Variants in ARHGEF3 observed in about 807,000 individuals in gnomAD.
ARHGEF3 encodes 59.8 kDA protein.
In ARHGEF3, 28 loss-of-function variants were observed where a neutral mutation model predicts 63.2. That is an observed-to-expected ratio of 0.44 (90% CI 0.33 to 0.61). The LOEUF (loss-of-function observed/expected upper bound fraction) is 0.61, where lower values mean the gene tolerates loss of function less well. Among genes scored for constraint, ARHGEF3 ranks in the 20% least tolerant of loss-of-function variants. The pLI, the probability that ARHGEF3 is intolerant of heterozygous loss-of-function variation, is 0.03. For synonymous variants in ARHGEF3, 266 were observed against 254.2 expected (o/e 1.05, Z -0.44); for missense variants, 533 against 659.3 (o/e 0.81, Z 2.10).
intron 3 of ARHGEF3, 31 bp from the exon 4 acceptor site, chr3:56,753,597 T>G: frequency 6.3e-7 from 1 of 1,597,882 alleles, no homozygotes; most frequent in Non-Finnish European, 8.6e-7. Context: ...ATTCACTGAA[T>G]TCTCCCTTCA....
At chr3:56,876,065 G>C (rs780448425) in intron 4 of ARHGEF3, among the ~76,000 whole-genome samples, 1 of 152,148 alleles carries the variant, frequency 6.6e-6, no homozygotes, top group South Asian at 2.1e-4. Context: ...GGTGAAATGC[G>C]GGGAGAAGAA....
At chr3:56,738,847 T>C (rs907559112) in intron 7 of ARHGEF3, among the ~76,000 whole-genome samples, 127 of 151,986 alleles carry the variant, frequency 8.4e-4, no homozygotes, top group African/African-American at 3.0e-3. Flanking sequence ...TCCCAGCACT[T>C]TGGGAAGCCA....
At chr3:57,022,739 G>GT (rs1270831412) in intron 2 of ARHGEF3, among the ~76,000 whole-genome samples, 1 of 151,000 alleles carries the variant, frequency 6.6e-6, no homozygotes, top group Non-Finnish European at 1.5e-5. Context: ...GGAGGACCCT[G>GT]TTTTTTGCCA....
intron 2 of ARHGEF3, among the ~76,000 whole-genome samples, chr3:56,993,740 A>G (rs1439450870): frequency 2.6e-5 from 4 of 151,512 alleles, no homozygotes; most frequent in Non-Finnish European, 4.4e-5. Flanking sequence ...AGAAATATTC[A>G]TATCTCATTA....
Position 57,025,373 on chromosome 3 carries a change from C to T in ARHGEF3, c.62+9715G>A, listed in dbSNP as rs185568046. Among the ~76,000 whole-genome samples, 3 of 152,252 alleles carry T rather than the reference C, an allele frequency of 2.0e-5. No homozygotes were observed. The East Asian group carries it at 5.8e-4, about 29-fold the overall frequency. ...GATTTACCAAGGAATTTCATGTGAC[C>T]TAGTCCCACCCGCTCACTTCAGAGA... On this transcript the variant is annotated intron_variant, in intron 2 of 12. Coordinates refer to the ARHGEF3 transcript ENST00000338458.
At chr3:57,026,472 T>G (rs938343019) in intron 2 of ARHGEF3, among the ~76,000 whole-genome samples, 4 of 152,176 alleles carry the variant, frequency 2.6e-5, no homozygotes, top group Non-Finnish European at 5.9e-5. Flanking sequence ...GCTTAACTCC[T>G]AGGGTTGAAA....
intron 3 of ARHGEF3, among the ~76,000 whole-genome samples, chr3:56,916,818 C>T (rs1464473040): frequency 6.6e-6 from 1 of 152,202 alleles, no homozygotes; most frequent in Non-Finnish European, 1.5e-5. Context: ...AATCAATGAT[C>T]TACTTGAACT....
intron 7 of ARHGEF3, among the ~76,000 whole-genome samples, chr3:56,742,323 T>C (rs779233389): frequency 1.3e-5 from 2 of 152,228 alleles, no homozygotes; most frequent in Non-Finnish European, 2.9e-5. Flanking sequence ...ACTCCTATTT[T>C]AAGAAGTTCT....
intron 8 of ARHGEF3, among the ~76,000 whole-genome samples, chr3:56,735,095 C>A (rs2033511344): frequency 6.6e-6 from 1 of 152,082 alleles, no homozygotes; most frequent in Non-Finnish European, 1.5e-5. Flanking sequence ...AACAGCCTGG[C>A]CAACATGGTG....
At position 56,988,522 on chromosome 3, in the gene ARHGEF3, T is replaced by G. The variant is rs553139543; in HGVS notation, c.63-29633A>C. Among the ~76,000 whole-genome samples, 5 of 152,262 alleles carry G rather than the reference T, an allele frequency of 3.3e-5. No homozygotes were observed. The East Asian group carries it at 9.7e-4, about 29-fold the overall frequency. On this transcript the variant is annotated intron_variant, in intron 2 of 12. Transcript: ENST00000338458. ...GAGCACAATAAATGTCACCTGTCATTATTATTAATAGCATCAACAAGATTA... is the reference window on the plus strand; with the variant it reads ...GAGCACAATAAATGTCACCTGTCATGATTATTAATAGCATCAACAAGATTA...
intron 3 of ARHGEF3, among the ~76,000 whole-genome samples, chr3:56,883,301 T>TC (rs1560019357): frequency 6.6e-6 from 1 of 151,706 alleles, no homozygotes; most frequent in East Asian, 1.9e-4. Flanking sequence ...AGTATGTTTT[T>TC]CTTTTTTTTT....
intron 4 of ARHGEF3, among the ~76,000 whole-genome samples, chr3:56,880,257 C>T (rs1252325482): frequency 1.3e-5 from 2 of 152,120 alleles, no homozygotes; most frequent in Non-Finnish European, 2.9e-5. Flanking sequence ...GTAGATTTAT[C>T]TTCTATACAA....
intron 4 of ARHGEF3, among the ~76,000 whole-genome samples, chr3:56,869,040 A>T (rs180938936): frequency 5.9e-5 from 9 of 152,252 alleles, no homozygotes; most frequent in Non-Finnish European, 1.3e-4. Context: ...AGAGCTGACC[A>T]GCAAAATCGT....
chr3:57,029,479 G>A (rs1579124554), intron 2 of ARHGEF3, among the ~76,000 whole-genome samples: 1 of 152,164 alleles, frequency 6.6e-6, no homozygotes, highest in East Asian at 1.9e-4. Flanking sequence ...CATAGTTGAA[G>A]GACTGGGTGA....
At chr3:56,806,637 CT>C (rs2037870374), upstream of ARHGEF3, among the ~76,000 whole-genome samples, 1 of 152,202 alleles carries the variant, frequency 6.6e-6, no homozygotes. Flanking sequence ...GTCATTTGGG[CT>C]GCTGGTGGAA....
intron 1 of ARHGEF3, among the ~76,000 whole-genome samples, chr3:57,048,570 G>C (rs979728361): frequency 6.6e-6 from 1 of 152,116 alleles, no homozygotes; most frequent in African/African-American, 2.4e-5. Flanking sequence ...GCTTCCGGAG[G>C]CAAAGCCTGG....
At chr3:57,059,066 C>T (rs138978435) in intron 1 of ARHGEF3, among the ~76,000 whole-genome samples, 45 of 151,610 alleles carry the variant, frequency 3.0e-4, no homozygotes, top group Non-Finnish European at 4.7e-4. Context: ...GGGTGCAGCA[C>T]GCCAACATGG....
chr3:56,826,590 A>G (rs1014861216), intron 4 of ARHGEF3, among the ~76,000 whole-genome samples: 9 of 152,218 alleles, frequency 5.9e-5, no homozygotes, highest in African/African-American at 2.2e-4. Flanking sequence ...AATGTCAAGG[A>G]TGTTTCACAG....
intron 1 of ARHGEF3, among the ~76,000 whole-genome samples, chr3:57,062,152 G>A (rs904157529): frequency 4.7e-5 from 5 of 105,288 alleles, no homozygotes; most frequent in African/African-American, 1.5e-4. Context: ...GGATTTGTAG[G>A]AAGATCCCTG....
Sources: allele counts gnomAD v4.1 joint callset (sites outside exome capture counted in the v4.1 genomes callset), GRCh38; gene constraint gnomAD v4.1.1; transcripts MANE v1.5; gene names NCBI Gene and HGNC (gene_info 2026-07-23, HGNC 2026-07-21).